The following PTK7 variants were observed in gnomAD, a reference collection of about 807,000 sequenced individuals.
PTK7 encodes protein tyrosine kinase 7 (inactive).
Under a neutral mutation model 116.6 loss-of-function variants are expected in PTK7, and 39 were observed. That is an observed-to-expected ratio of 0.33 (90% CI 0.26 to 0.44). PTK7 has a LOEUF of 0.44. PTK7 is among the 20% of genes least tolerant of loss of function. PTK7 has a pLI of 1.00. For synonymous variants in PTK7, 546 were observed against 563.6 expected, an observed-to-expected ratio of 0.97 and a Z score of 0.44; for missense variants, 1,169 against 1,425.6, an observed-to-expected ratio of 0.82 and a Z score of 2.90.
chr6:43,091,211 A>G (rs1345949884), intron 1 of PTK7, among the ~76,000 whole-genome samples: 1 of 138,128 alleles, frequency 7.2e-6, no homozygotes, highest in African/African-American at 2.8e-5. Flanking sequence ...CCCAAGCTGG[A>G]GTACAGTGAC....
At chr6:43,084,808 A>G (rs1259718570) in intron 1 of PTK7, among the ~76,000 whole-genome samples, 2 of 152,166 alleles carry the variant, frequency 1.3e-5, no homozygotes, top group Non-Finnish European at 2.9e-5. Flanking sequence ...GGCTTCAGAG[A>G]GGAGAGAAGA....
At chr6:43,087,883 G>T (rs887777342) in intron 1 of PTK7, among the ~76,000 whole-genome samples, 1 of 152,214 alleles carries the variant, frequency 6.6e-6, no homozygotes, top group African/African-American at 2.4e-5. Flanking sequence ...GGTGATGTGG[G>T]TATTAGGGTA....
chr6:43,085,398 G>A (rs1175455615), intron 1 of PTK7, among the ~76,000 whole-genome samples: 2 of 151,982 alleles, frequency 1.3e-5, no homozygotes, highest in South Asian at 2.1e-4. Flanking sequence ...ATAGGTGCCC[G>A]CCACCATGCC....
intron 1 of PTK7, among the ~76,000 whole-genome samples, chr6:43,108,601 C>T (rs767793574): frequency 2.6e-5 from 4 of 151,968 alleles, no homozygotes; most frequent in African/African-American, 4.8e-5. Flanking sequence ...GGGGTTTTAC[C>T]GTGTTGCCCA....
At position 43,085,304 on chromosome 6, in the gene PTK7, G is replaced by A. The variant is rs1327222751; in HGVS notation, c.79+8737G>A. Among the ~76,000 whole-genome samples, 7 of 152,002 alleles carry A rather than the reference G, an allele frequency of 4.6e-5. No individual in the cohort carries two copies. In the South Asian group the frequency reaches 1.2e-3, roughly 27 times the overall value. ...TTTTGAGATGGAGTTTCTCTCTGTC[G>A]CCCAGGCTGGAGTGCAGTAGTGCGA... On this transcript the variant is annotated intron_variant, in intron 1 of 19. Transcript: ENST00000230419.
At position 43,143,018 on chromosome 6, in the gene PTK7, A is replaced by C; in HGVS notation, c.2048-399A>C. ...ATCCCTTCTACAGATCTGCTTATTG[A>C]AAAACCTGCTCTGTGCCAGGCAGTG... On this transcript the variant is annotated intron_variant, in intron 13 of 19. Transcript: ENST00000230419. This position sits in a 1 kb window ranked among gnomAD's most constrained non-coding sequence, Gnocchi z 4.2. 5.4e-6 allele frequency: 1 copy of C among 184,202 alleles called. No individual in the cohort carries two copies. Among genetic ancestry groups the C allele is most frequent in the Admixed American group, 5.5e-5 (1 of 18,344 alleles). The allele number at this position is 184,202 out of a possible 1,614,324, so 11.4% of individuals were successfully genotyped here. A position where few individuals can be genotyped will look rare whatever the true frequency, so the allele number is the denominator to read the frequency against.
intron 19 of PTK7, 138 bp downstream of exon 19, chr6:43,160,104 T>A: frequency 1.1e-6 from 1 of 882,038 alleles, no homozygotes; most frequent in Non-Finnish European, 1.7e-6. Context: ...CTCTGGTTGT[T>A]AAAATACTGC....
chr6:43,132,851 C>A, intron 7 of PTK7, 164 bp downstream of exon 7: 2 of 987,636 alleles, frequency 2.0e-6, no homozygotes, highest in Non-Finnish European at 3.1e-6. Context: ...CAGTAGAGAG[C>A]CAGGCACAGG....
rs775945984 is a variant in PTK7, at chr6:43,076,509, C to T, written c.21C>T (p.Ser7=). 3.2e-6 allele frequency: 5 copies of T among 1,573,186 alleles called. No homozygotes were observed. Among genetic ancestry groups the T allele is most frequent in the Non-Finnish European group, 4.3e-6 (5 of 1,164,342 alleles). Residue 7 remains serine, a synonymous_variant, in exon 1 of 20, where the codon TCC becomes TCT. Coordinates refer to ENST00000230419, the MANE Select transcript of PTK7 (RefSeq NM_002821.5). This position sits in a 1 kb window ranked among gnomAD's most constrained non-coding sequence, Gnocchi z 5.7. ...CCGCGATGGGAGCTGCGCGGGGATCCCCGGCCAGACCCCGCCGGTTGCCTC... is the reference window on the plus strand; with the variant it reads ...CCGCGATGGGAGCTGCGCGGGGATCTCCGGCCAGACCCCGCCGGTTGCCTC... MGAARG[S]PARPRRLPLL...
chr6:43,150,148 G>A (rs926012598), intron 17 of PTK7, among the ~76,000 whole-genome samples: 1 of 152,174 alleles, frequency 6.6e-6, no homozygotes, highest in Admixed American at 6.5e-5. Flanking sequence ...TGAGAAGCAG[G>A]ATCAGCTTAG....
At chr6:43,159,522 G>A (rs765435242) in intron 18 of PTK7, 1 of 528,146 alleles carries the variant, frequency 1.9e-6, no homozygotes, top group Non-Finnish European at 3.4e-6. Context: ...TAGAAAGTAT[G>A]TATGACTATT....
chr6:43,101,327 C>T (rs1582091299), intron 1 of PTK7, among the ~76,000 whole-genome samples: 1 of 151,372 alleles, frequency 6.6e-6, no homozygotes, highest in African/African-American at 2.4e-5. Context: ...CAGAGGCGGG[C>T]GGATCACAAG....
intron 1 of PTK7, among the ~76,000 whole-genome samples, chr6:43,102,190 C>T (rs1382416877): frequency 2.0e-5 from 3 of 151,976 alleles, no homozygotes; most frequent in Non-Finnish European, 2.9e-5. Flanking sequence ...TTTGGGAGGC[C>T]GAGGTGGGCG....
chr6:43,140,205 G>T (rs6941411), intron 10 of PTK7, among the ~76,000 whole-genome samples: 31,355 of 152,046 alleles, frequency 0.21, 4,151 homozygotes, highest in East Asian at 0.37. Context: ...TCCCAGCACT[G>T]TGGGAAGCTG....
chr6:43,076,337 C>G lies in PTK7; in HGVS notation c.-152C>G. The G allele has an allele frequency of 9.2e-6, 3 of 327,542 alleles. No homozygotes were observed. The highest frequency in any genetic ancestry group is 1.5e-5 in the Non-Finnish European group (3 of 205,338). 20.3% of individuals were successfully genotyped at this position (327,542 alleles called of 1,614,324 possible). ...GTACTGGGCGCGCGCGGCTCCGGCT[C>G]GGGACGCCTCGGGACGCCTCGGGGT... On this transcript the variant is annotated 5_prime_UTR_variant, in exon 1 of 20. Transcript: ENST00000230419. The surrounding 1 kb of genome is among the most constrained non-coding windows in gnomAD (Gnocchi z 5.7).
intron 1 of PTK7, among the ~76,000 whole-genome samples, chr6:43,104,561 C>A (rs1341738448): frequency 6.6e-6 from 1 of 152,040 alleles, no homozygotes; most frequent in Non-Finnish European, 1.5e-5. Context: ...CAGGCACATG[C>A]CACCACGCCT....
chr6:43,146,677 G>A lies in PTK7; in HGVS notation c.2700G>A (p.Gln900=). The change falls in exon 17 of 20, where the codon CAG becomes CAA. Residue 900 remains glutamine (Q), a synonymous_variant. Transcript: ENST00000230419. ...GCAAGGATGAAAAATTGAAGTCACA[G>A]CCCCTCAGCACCAAGCAGAAGGTGA... ...SKSKDEKLKS[Q]PLSTKQKVAL... 1 of 1,613,220 alleles carries A rather than the reference G, an allele frequency of 6.2e-7. No individual in the cohort carries two copies. Among genetic ancestry groups the A allele is most frequent in the Non-Finnish European group, 8.5e-7 (1 of 1,179,936 alleles).
Position 43,141,982 on chromosome 6 carries a change from A to G in PTK7, c.1820A>G (p.His607Arg). ...GAGCGTACGACTGTGTACCAGGGCC[A>G]CACAGCCCTACTGCAGTGCGAGGCC... ...EPERTTVYQG[H>R]TALLQCEAQG... is the part of the protein sequence containing the mutation. Residue 607 changes from histidine to arginine, a missense_variant, in exon 12 of 20, where the codon CAC becomes CGC. Coordinates refer to ENST00000230419, the MANE Select transcript of PTK7 (RefSeq NM_002821.5). The surrounding 1 kb of genome is among the most constrained non-coding windows in gnomAD (Gnocchi z 4.9). 6.2e-7 allele frequency: 1 copy of G among 1,613,712 alleles called. No individual in the cohort carries two copies. Among genetic ancestry groups the G allele is most frequent in the African/African-American group, 1.3e-5 (1 of 74,970 alleles).
intron 1 of PTK7, among the ~76,000 whole-genome samples, chr6:43,117,644 G>A (rs749146152): frequency 6.6e-5 from 10 of 152,238 alleles, no homozygotes; most frequent in East Asian, 3.9e-4. Context: ...TAGGTCGGGC[G>A]CGGTGGTTCA....
Sources: gnomAD v4.1 joint callset for allele counts (sites outside exome capture counted in the v4.1 genomes callset) on GRCh38, gnomAD v4.1.1 for gene constraint, Gnocchi (gnomAD v3.1) non-coding constraint, MANE v1.5 for transcripts, NCBI Gene and HGNC (gene_info 2026-07-23, HGNC 2026-07-21) for gene names.